The following ST6GALNAC3 variants were observed in gnomAD, a reference collection of about 807,000 sequenced individuals.
The protein encoded by ST6GALNAC3 is alpha-N-acetylgalactosaminide alpha-2,6-sialyltransferase 3.
In ST6GALNAC3, 25 loss-of-function variants were observed where a neutral mutation model predicts 32.7. That is an observed-to-expected ratio of 0.76 (90% CI 0.56 to 1.07). The LOEUF is 1.07. ST6GALNAC3 is among the 50% of genes least tolerant of loss of function. ST6GALNAC3 has a pLI of 0.00. For missense variants in ST6GALNAC3, 355 were observed against 382.4 expected, an observed-to-expected ratio of 0.93 and a Z score of 0.60; for synonymous variants, 129 against 133.1, an observed-to-expected ratio of 0.97 and a Z score of 0.21.
chr1:76,623,813 T>A (rs147691429), intron 3 of ST6GALNAC3, among the ~76,000 whole-genome samples: 21 of 152,026 alleles, frequency 1.4e-4, no homozygotes, highest in African/African-American at 5.1e-4. Flanking sequence ...ACACAGCAAC[T>A]CGGTAGAGTT....
At chr1:76,181,200 G>T (rs1403565728) in intron 1 of ST6GALNAC3, among the ~76,000 whole-genome samples, 1 of 152,232 alleles carries the variant, frequency 6.6e-6, no homozygotes, top group Non-Finnish European at 1.5e-5. Flanking sequence ...TCCTGTGAGA[G>T]TCAGGGAACC....
At chr1:76,285,755 A>C (rs1659739629) in intron 1 of ST6GALNAC3, among the ~76,000 whole-genome samples, 1 of 152,176 alleles carries the variant, frequency 6.6e-6, no homozygotes, top group African/African-American at 2.4e-5. Context: ...AGATAGATGC[A>C]GAGAGATTGG....
chr1:76,619,846 T>C (rs534544470), intron 3 of ST6GALNAC3, among the ~76,000 whole-genome samples: 14 of 152,192 alleles, frequency 9.2e-5, no homozygotes, highest in African/African-American at 2.9e-4. Flanking sequence ...TCCTTCTGCC[T>C]GAAAAGCCCT....
rs55786044 is a variant in ST6GALNAC3 at position 76,357,130 on chromosome 1, C to CTTTTTTTTTTTTT, written c.213+43134_213+43146dup. 3.6e-3 allele frequency among the ~76,000 whole-genome samples: 399 copies of CTTTTTTTTTTTTT among 111,148 alleles called. 3 individuals are homozygous for CTTTTTTTTTTTTT. Among genetic ancestry groups the CTTTTTTTTTTTTT allele is most frequent in the South Asian group, 4.3e-3 (13 of 3,058 alleles). The allele number at this position is 111,148 out of a possible 152,430, so 72.9% of individuals were successfully genotyped here. ...TAGTTTTCTTTTTTCTTTTCTTTTT[C>CTTTTTTTTTTTTT]TTTTTTTTTTTTTTTCATTTTTGAG... On this transcript the variant is annotated intron_variant, in intron 2 of 4. Coordinates refer to ENST00000328299, the MANE Select transcript of ST6GALNAC3 (RefSeq NM_152996.4).
intron 3 of ST6GALNAC3, among the ~76,000 whole-genome samples, chr1:76,481,426 C>A (rs528644676): frequency 1.3e-5 from 2 of 152,298 alleles, no homozygotes; most frequent in East Asian, 3.9e-4. Flanking sequence ...CCAACCCTAA[C>A]AACCCACAAG....
At chr1:76,167,427 A>C (rs1245540985) in intron 1 of ST6GALNAC3, among the ~76,000 whole-genome samples, 1 of 149,950 alleles carries the variant, frequency 6.7e-6, no homozygotes, top group African/African-American at 2.4e-5. Context: ...ATATTCATCC[A>C]GGCTATTGGC....
chr1:76,563,176 A>G (rs1233844079), intron 3 of ST6GALNAC3, among the ~76,000 whole-genome samples: 12 of 152,226 alleles, frequency 7.9e-5, no homozygotes, highest in Non-Finnish European at 1.5e-5. Context: ...GCTGTATCAG[A>G]ATGGGAAATC....
At chr1:76,423,827 G>T (rs1655190128) in intron 3 of ST6GALNAC3, among the ~76,000 whole-genome samples, 1 of 151,908 alleles carries the variant, frequency 6.6e-6, no homozygotes, top group South Asian at 2.1e-4. Flanking sequence ...TTGTTGATTG[G>T]AGGGTAGTAG....
chr1:76,179,019 G>T (rs149421158), intron 1 of ST6GALNAC3, among the ~76,000 whole-genome samples: 1 of 152,008 alleles, frequency 6.6e-6, no homozygotes, highest in Non-Finnish European at 1.5e-5. Flanking sequence ...TTCCCTGCTC[G>T]GCTCAGTGGG....
In ST6GALNAC3 at chr1:76,631,207, G is replaced by A. The variant is rs1327621103; in HGVS notation, c.*2401G>A. On this transcript the variant is annotated 3_prime_UTR_variant, in exon 5 of 5. Transcript: ENST00000328299. ...GCTTTCTTTCCTCTCCTCTCCTCTC[G>A]TCTCCTCTTTCTTTCCTTTCTTTTT... 5.8e-5 allele frequency: 10 copies of A among 172,164 alleles called. No homozygotes were observed. Among genetic ancestry groups the A allele is most frequent in the East Asian group, 1.9e-4 (1 of 5,186 alleles). The allele number at this position is 172,164 out of a possible 1,614,324, so 10.7% of individuals were successfully genotyped here.
At chr1:76,505,753 T>C (rs999983354) in intron 3 of ST6GALNAC3, among the ~76,000 whole-genome samples, 1 of 152,136 alleles carries the variant, frequency 6.6e-6, no homozygotes, top group African/African-American at 2.4e-5. Flanking sequence ...GAGTTCAGCA[T>C]GGAGAGCCCT....
chr1:76,318,748 G>A (rs757939288), intron 2 of ST6GALNAC3, among the ~76,000 whole-genome samples: 4 of 152,020 alleles, frequency 2.6e-5, no homozygotes, highest in Non-Finnish European at 4.4e-5. Context: ...AAACAGAAAC[G>A]TGCTTCACAA....
chr1:76,494,998 T>G (rs1660764633), intron 3 of ST6GALNAC3, among the ~76,000 whole-genome samples: 1 of 152,120 alleles, frequency 6.6e-6, no homozygotes. Flanking sequence ...GGAAATTCCC[T>G]CTTACTCATG....
At chr1:76,244,972 CT>C (rs1657176753) in intron 1 of ST6GALNAC3, among the ~76,000 whole-genome samples, 1 of 152,114 alleles carries the variant, frequency 6.6e-6, no homozygotes, top group African/African-American at 2.4e-5. Context: ...AGGAGTCCCT[CT>C]TTTTCTTTTG....
At chr1:76,279,952 G>A (rs1027147177) in intron 1 of ST6GALNAC3, among the ~76,000 whole-genome samples, 1 of 149,722 alleles carries the variant, frequency 6.7e-6, no homozygotes, top group African/African-American at 2.5e-5. Flanking sequence ...AGAAAGTGGG[G>A]TGCTTGCTAA....
rs188735000 is a variant in ST6GALNAC3, at chr1:76,616,039, C to T, written c.624-11413C>T. The stretch of plus-strand genomic sequence containing the variant: ...AAAAGGAGGTGAGGCCCTGGTTCTA[C>T]AGGTTTCTAGAGGTTCTGGTATGGG... On this transcript the variant is annotated intron_variant, in intron 3 of 4. Coordinates refer to ENST00000328299, the MANE Select transcript of ST6GALNAC3 (RefSeq NM_152996.4). Among the ~76,000 whole-genome samples the T allele has an allele frequency of 2.0e-4, 30 of 152,262 alleles. No individual in the cohort carries two copies. The East Asian group carries it at 4.6e-3, about 24-fold the overall frequency.
chr1:76,316,630 C>T (rs186087280), intron 2 of ST6GALNAC3, among the ~76,000 whole-genome samples: 14 of 151,952 alleles, frequency 9.2e-5, no homozygotes, highest in Admixed American at 3.3e-4. Flanking sequence ...GGGGGTCTAG[C>T]GGTTACCTCT....
At chr1:76,124,226 T>A (rs1436964970) in intron 1 of ST6GALNAC3, among the ~76,000 whole-genome samples, 1 of 152,140 alleles carries the variant, frequency 6.6e-6, no homozygotes, top group Non-Finnish European at 1.5e-5. Flanking sequence ...GTGCCTGCCC[T>A]TCCTCTTTGG....
intron 3 of ST6GALNAC3, among the ~76,000 whole-genome samples, chr1:76,609,810 AC>A (rs1451324281): frequency 1.3e-5 from 2 of 151,580 alleles, no homozygotes; most frequent in Non-Finnish European, 2.9e-5. Context: ...ATTAATTAGC[AC>A]CCCCCTTGAC....
Sources: gnomAD v4.1 joint callset for allele counts (sites outside exome capture counted in the v4.1 genomes callset) on GRCh38, gnomAD v4.1.1 for gene constraint, MANE v1.5 for transcripts, NCBI Gene and HGNC (gene_info 2026-07-23, HGNC 2026-07-21) for gene names.